ADK: variants seen among roughly 807,000 people sequenced by gnomAD.
ADK encodes the protein N6,N6-dimethyladenosine kinase.
ADK carries 24 observed loss-of-function variants against 44.7 expected under a neutral mutation model. That is an observed-to-expected ratio of 0.54 (90% CI 0.39 to 0.76). The LOEUF is 0.76. ADK is among the 30% of genes least tolerant of loss of function. ADK has a pLI of 0.00. For missense variants in ADK, 321 were observed against 425.1 expected (o/e 0.76, Z 2.15); for synonymous variants, 128 against 142.6 (o/e 0.90, Z 0.73).
At chr10:74,465,330 AAAGT>A (rs1846313728) in intron 6 of ADK, among the ~76,000 whole-genome samples, 1 of 152,218 alleles carries the variant, frequency 6.6e-6, no homozygotes, top group Non-Finnish European at 1.5e-5. Context: ...AGCAATGGGA[AAAGT>A]AAGTAGGAGA....
chr10:74,548,844 C>A (rs1849929714), intron 7 of ADK, among the ~76,000 whole-genome samples: 1 of 152,150 alleles, frequency 6.6e-6, no homozygotes, highest in South Asian at 2.1e-4. Context: ...TAAAGCCAGG[C>A]AACTTGGGAC....
chr10:74,368,482 C>T (rs190413581), intron 4 of ADK, among the ~76,000 whole-genome samples: 134 of 151,874 alleles, frequency 8.8e-4, no homozygotes, highest in African/African-American at 3.1e-3. Context: ...ACATTTACTA[C>T]GTAGAGGCTG....
chr10:74,400,829 G>A, intron 6 of ADK, among the ~76,000 whole-genome samples: 2 of 152,284 alleles, frequency 1.3e-5, no homozygotes, highest in Middle Eastern at 6.8e-3. Context: ...TACATACTCA[G>A]CTCTGCTTCT....
At chr10:74,696,660 A>G (rs1468891139) in intron 10 of ADK, among the ~76,000 whole-genome samples, 2 of 152,096 alleles carry the variant, frequency 1.3e-5, no homozygotes, top group South Asian at 2.1e-4. Flanking sequence ...ATGAGTCACC[A>G]TGCCCAGCCC....
At chr10:74,177,945 A>ATATATAT (rs10693309) in intron 1 of ADK, among the ~76,000 whole-genome samples, 2,172 of 108,812 alleles carry the variant, frequency 0.02, 22 homozygotes, top group Middle Eastern at 0.052. Flanking sequence ...ATATATATAT[A>ATATATAT]TTTTTTTTTT....
At chr10:74,324,724 G>C (rs557039988) in intron 4 of ADK, among the ~76,000 whole-genome samples, 1 of 152,100 alleles carries the variant, frequency 6.6e-6, no homozygotes, top group African/African-American at 2.4e-5. Flanking sequence ...AAATATGGAC[G>C]TGCAGATATA....
chr10:74,252,612 G>A (rs187195961), intron 3 of ADK, among the ~76,000 whole-genome samples: 17 of 152,320 alleles, frequency 1.1e-4, no homozygotes, highest in African/African-American at 4.1e-4. Flanking sequence ...AGGTAGCAAA[G>A]TGTCATTGAG....
At chr10:74,347,940 C>T (rs1009875785) in intron 4 of ADK, among the ~76,000 whole-genome samples, 5 of 152,140 alleles carry the variant, frequency 3.3e-5, no homozygotes, top group African/African-American at 9.7e-5. Flanking sequence ...ATAAAACTCC[C>T]ATCTCCCTGG....
chr10:74,705,279 G>A (rs879723322), intron 10 of ADK, among the ~76,000 whole-genome samples: 3 of 59,082 alleles, frequency 5.1e-5, no homozygotes, highest in African/African-American at 1.9e-4. Flanking sequence ...GTATTTGAGT[G>A]TTAACTGCAG....
At chr10:74,596,839 G>C (rs989156843) in intron 8 of ADK, among the ~76,000 whole-genome samples, 1 of 152,042 alleles carries the variant, frequency 6.6e-6, no homozygotes, top group Non-Finnish European at 1.5e-5. Context: ...GAGCCACCAC[G>C]CCTTACCTTA....
intron 7 of ADK, among the ~76,000 whole-genome samples, chr10:74,533,946 A>G (rs1015695098): frequency 2.0e-5 from 3 of 152,238 alleles, no homozygotes; most frequent in Non-Finnish European, 2.9e-5. Context: ...ACTCAACTAT[A>G]AAAGAATTGT....
chr10:74,479,010 T>G (rs1846966740), intron 6 of ADK, among the ~76,000 whole-genome samples: 1 of 152,110 alleles, frequency 6.6e-6, no homozygotes, highest in South Asian at 2.1e-4. Context: ...TTAAAAAATA[T>G]TTTTTTGAGA....
At chr10:74,321,375 C>T (rs937895463) in intron 4 of ADK, among the ~76,000 whole-genome samples, 1 of 152,042 alleles carries the variant, frequency 6.6e-6, no homozygotes, top group African/African-American at 2.4e-5. Flanking sequence ...CCTTGACCTC[C>T]TGGGCTCAAG....
At chr10:74,389,338 C>G (rs141727341) in intron 4 of ADK, among the ~76,000 whole-genome samples, 594 of 152,116 alleles carry the variant, frequency 3.9e-3, no homozygotes, top group Non-Finnish European at 5.9e-3. Context: ...TTTTTATTCC[C>G]TGGCAGACAT....
At position 74,473,138 on chromosome 10, in the gene ADK, C is replaced by T. The variant is rs185280186; in HGVS notation, c.556-52118C>T. Among the ~76,000 whole-genome samples, 112 of 151,920 alleles carry T rather than the reference C, an allele frequency of 7.4e-4. 1 individual carries two copies. The highest frequency in any genetic ancestry group is 1.3e-3 in the Non-Finnish European group (91 of 67,952). ...CTGAGTAGCTGGGACTGCAGGTGTG[C>T]ACCACCATGCCTAATATAAATATAT... On this transcript the variant is annotated intron_variant, in intron 6 of 10. Coordinates refer to ENST00000539909, the MANE Select transcript of ADK (RefSeq NM_006721.4).
chr10:74,391,976 A>G (rs942131632), intron 4 of ADK, among the ~76,000 whole-genome samples: 6 of 152,122 alleles, frequency 3.9e-5, no homozygotes, highest in Admixed American at 2.6e-4. Context: ...GACAGACCTT[A>G]TATAACTTAG....
At position 74,646,764 on chromosome 10, in the gene ADK, G is replaced by A. The variant is rs948458087; in HGVS notation, c.878-23419G>A. Among the ~76,000 whole-genome samples the A allele has an allele frequency of 3.3e-5, 5 of 152,122 alleles. No individual in the cohort carries two copies. The South Asian group carries it at 6.2e-4, about 19-fold the overall frequency. On this transcript the variant is annotated intron_variant, in intron 9 of 10. Coordinates refer to ENST00000539909, the MANE Select transcript of ADK (RefSeq NM_006721.4). ...GAAAAAATGAAGGAAAACAATATAA[G>A]CTCAGCCACAGTTATTGGTGTGGTC...
chr10:74,534,992 GT>G (rs1198842642), intron 7 of ADK, among the ~76,000 whole-genome samples: 2 of 152,128 alleles, frequency 1.3e-5, no homozygotes, highest in East Asian at 3.9e-4. Flanking sequence ...ATGAGAATTA[GT>G]TTAATGAGTT....
intron 10 of ADK, among the ~76,000 whole-genome samples, chr10:74,678,442 T>A (rs1855486906): frequency 6.6e-6 from 1 of 152,220 alleles, no homozygotes; most frequent in African/African-American, 2.4e-5. Context: ...AAATACAGGA[T>A]GATTTTAGAG....
Sources: allele counts gnomAD v4.1 joint callset (sites outside exome capture counted in the v4.1 genomes callset), GRCh38; gene constraint gnomAD v4.1.1; transcripts MANE v1.5; gene names NCBI Gene and HGNC (gene_info 2026-07-23, HGNC 2026-07-21).